Variants in ZNF383 observed in about 807,000 individuals in gnomAD.
ZNF383 encodes the protein zinc finger protein 383.
In ZNF383, 32 loss-of-function variants were observed where a neutral mutation model predicts 44.2. The ratio of observed to expected loss-of-function variants is 0.72; its 90% confidence interval spans 0.55 to 0.97. ZNF383 has a LOEUF of 0.97. Among genes scored for constraint, ZNF383 ranks in the 50% least tolerant of loss-of-function variants. The pLI is 0.00. For synonymous variants in ZNF383, 155 were observed against 186.2 expected (o/e 0.83, Z 1.36); for missense variants, 487 against 562.5 (o/e 0.87, Z 1.36).
At chr19:37,239,146 G>C (rs1014782559) in intron 5 of ZNF383, among the ~76,000 whole-genome samples, 2 of 152,124 alleles carry the variant, frequency 1.3e-5, no homozygotes, top group Non-Finnish European at 2.9e-5. Context: ...TCTTGAACTT[G>C]TGACCTCATG....
intron 1 of ZNF383, among the ~76,000 whole-genome samples, chr19:37,218,869 G>A (rs958982058): frequency 6.6e-6 from 1 of 152,050 alleles, no homozygotes; most frequent in Non-Finnish European, 1.5e-5. Context: ...ATTGTGTGTA[G>A]TGCTCAATAG....
At chr19:37,241,488 A>G (rs1275328076) in intron 5 of ZNF383, among the ~76,000 whole-genome samples, 1 of 152,162 alleles carries the variant, frequency 6.6e-6, no homozygotes, top group African/African-American at 2.4e-5. Flanking sequence ...CTCCTATCAC[A>G]TCAGTGCATT....
intron 2 of ZNF383, among the ~76,000 whole-genome samples, chr19:37,227,030 A>T (rs1324050345): frequency 6.7e-6 from 1 of 148,488 alleles, no homozygotes; most frequent in Non-Finnish European, 1.5e-5. Flanking sequence ...GATGGTCTTG[A>T]TCTGTTGACC....
rs764884115 is a variant in ZNF383 at position 37,244,932 on chromosome 19, A to C, written c.*1268A>C. ...GTAAATATAGATTTTTATTATTTTC[A>C]TGACATATTTAATGACTTTAAAATG... On this transcript the variant is annotated 3_prime_UTR_variant, in exon 6 of 6. Coordinates refer to ENST00000684119, the MANE Select transcript of ZNF383 (RefSeq NM_001387601.1). 11 of 152,186 alleles carry C rather than the reference A, an allele frequency of 7.2e-5. No individual in the cohort carries two copies. Among genetic ancestry groups the C allele is most frequent in the Non-Finnish European group, 1.5e-4 (10 of 68,034 alleles). 9.4% of individuals were successfully genotyped at this position (152,186 alleles called of 1,614,324 possible). A position where few individuals can be genotyped will look rare whatever the true frequency, so the allele number is the denominator to read the frequency against.
chr19:37,234,467 C>T (rs950648928), intron 3 of ZNF383, among the ~76,000 whole-genome samples: 1 of 152,126 alleles, frequency 6.6e-6, no homozygotes, highest in Non-Finnish European at 1.5e-5. Context: ...CGGCTCAGTG[C>T]AAGCTCCGCC....
chr19:37,229,147 A>ATTTTTTT (rs774901192), intron 2 of ZNF383, among the ~76,000 whole-genome samples: 2 of 116,880 alleles, frequency 1.7e-5, no homozygotes, highest in African/African-American at 3.4e-5. Context: ...AAAAGGTTGA[A>ATTTTTTT]TTTTTTTTTT....
chr19:37,233,602 G>C lies in ZNF383; in HGVS notation c.10-1947G>C, dbSNP rs1031997538. Among the ~76,000 whole-genome samples, 3 of 151,538 alleles carry C rather than the reference G, an allele frequency of 2.0e-5. No individual in the cohort carries two copies. In the East Asian group the frequency reaches 5.8e-4, roughly 30 times the overall value. ...ACACCACCACAACTGGCTAATTTTT[G>C]TATTTTTAGTAGAGACAGGGTTTCA... is the stretch of plus-strand genomic sequence containing the variant. On this transcript the variant is annotated intron_variant, in intron 3 of 5. Transcript: ENST00000684119.
At chr19:37,222,278 T>C (rs1328081479) in intron 1 of ZNF383, among the ~76,000 whole-genome samples, 1 of 152,182 alleles carries the variant, frequency 6.6e-6, no homozygotes, top group African/African-American at 2.4e-5. Flanking sequence ...AGTATAAATA[T>C]ATAAAATTCA....
At chr19:37,240,077 T>G (rs1974006490) in intron 5 of ZNF383, among the ~76,000 whole-genome samples, 1 of 151,876 alleles carries the variant, frequency 6.6e-6, no homozygotes, top group Admixed American at 6.6e-5. Flanking sequence ...GGGAATCGCT[T>G]GAACCCTGGA....
At position 37,247,864 on chromosome 19, in the gene ZNF383, G is replaced by A. The variant is rs1974424153; in HGVS notation, c.*4200G>A. The A allele has an allele frequency of 6.6e-6, 1 of 152,202 alleles. No individual in the cohort carries two copies. The highest frequency in any genetic ancestry group is 1.5e-5 in the Non-Finnish European group (1 of 68,040). The allele number at this position is 152,202 out of a possible 1,614,324, so 9.4% of individuals were successfully genotyped here. A position where few individuals can be genotyped will look rare whatever the true frequency, so the allele number is the denominator to read the frequency against. On this transcript the variant is annotated 3_prime_UTR_variant, in exon 6 of 6. Transcript: ENST00000684119. ...AAAAAAATAAGACTGGCCAGGCATG[G>A]TGGCTCACGCCTGTAATCTCAGCAT...
intron 1 of ZNF383, among the ~76,000 whole-genome samples, chr19:37,224,445 C>A (rs530894363): frequency 6.6e-6 from 1 of 152,150 alleles, no homozygotes; most frequent in African/African-American, 2.4e-5. Context: ...GTGTTTGGTA[C>A]CTGGGACTTG....
rs1342838935 is a variant in ZNF383 at position 37,244,827 on chromosome 19, T to C, written c.*1163T>C. 6.6e-6 allele frequency: 1 copy of C among 152,220 alleles called. No individual in the cohort carries two copies. Among genetic ancestry groups the C allele is most frequent in the African/African-American group, 2.4e-5 (1 of 41,470 alleles). The allele number at this position is 152,220 out of a possible 1,614,324, so 9.4% of individuals were successfully genotyped here. A position where few individuals can be genotyped will look rare whatever the true frequency, so the allele number is the denominator to read the frequency against. On this transcript the variant is annotated 3_prime_UTR_variant, in exon 6 of 6. Coordinates refer to ENST00000684119, the MANE Select transcript of ZNF383 (RefSeq NM_001387601.1). ...GAAAATCGTGCTATACTTTGCTTTT[T>C]TAAGAAAGTGTAATTATGATATGCA...
chr19:37,230,597 T>C lies in ZNF383; in HGVS notation c.9+135T>C, dbSNP rs958344248. 13 of 906,234 alleles carry C rather than the reference T, an allele frequency of 1.4e-5. No individual in the cohort carries two copies. The Admixed American group carries it at 1.5e-4, about 11-fold the overall frequency. The allele number at this position is 906,234 out of a possible 1,614,324, so 56.1% of individuals were successfully genotyped here. A position where few individuals can be genotyped will look rare whatever the true frequency, so the allele number is the denominator to read the frequency against. On this transcript the variant is annotated intron_variant, in intron 3 of 5. Transcript: ENST00000684119. ...CAGAATCCTTGTCCCCATTTTTTCT[T>C]AGCTAGATAATCCTATACCATCTCT...
intron 5 of ZNF383, among the ~76,000 whole-genome samples, chr19:37,239,298 G>C (rs1226452832): frequency 1.3e-5 from 2 of 151,728 alleles, no homozygotes; most frequent in Admixed American, 6.5e-5. Context: ...ACAAACCATA[G>C]TAGCAGTAGT....
intron 3 of ZNF383, among the ~76,000 whole-genome samples, chr19:37,231,778 A>G (rs1470107530): frequency 6.6e-6 from 1 of 152,166 alleles, no homozygotes; most frequent in Non-Finnish European, 1.5e-5. Context: ...GGGATGATTC[A>G]TCAATAGGAT....
chr19:37,229,665 T>G (rs1332831791), intron 2 of ZNF383, among the ~76,000 whole-genome samples: 1 of 143,610 alleles, frequency 7.0e-6, no homozygotes, highest in Admixed American at 7.1e-5. Flanking sequence ...TATGTGTGTA[T>G]ATATATGTAT....
chr19:37,229,437 G>A (rs1197480665), intron 2 of ZNF383, among the ~76,000 whole-genome samples: 1 of 148,526 alleles, frequency 6.7e-6, no homozygotes, highest in African/African-American at 2.5e-5. Flanking sequence ...GAGATTACAG[G>A]CTGTGAGCCA....
intron 2 of ZNF383, among the ~76,000 whole-genome samples, chr19:37,226,946 C>G (rs1181079980): frequency 6.6e-6 from 1 of 151,238 alleles, no homozygotes; most frequent in East Asian, 2.0e-4. Flanking sequence ...GTAGCTGCGA[C>G]TACAGGCGTG....
chr19:37,228,681 G>A (rs1973301586), intron 2 of ZNF383, among the ~76,000 whole-genome samples: 1 of 152,032 alleles, frequency 6.6e-6, no homozygotes, highest in African/African-American at 2.4e-5. Context: ...GGCCACTGTT[G>A]TGATGGGTCC....
Sources: allele counts gnomAD v4.1 joint callset (sites outside exome capture counted in the v4.1 genomes callset), GRCh38; gene constraint gnomAD v4.1.1; transcripts MANE v1.5; gene names NCBI Gene and HGNC (gene_info 2026-07-23, HGNC 2026-07-21).